ADGRL2: variants seen among roughly 807,000 people sequenced by gnomAD.
ADGRL2 encodes adhesion G protein-coupled receptor L2.
A neutral mutation model predicts 157.4 loss-of-function variants in ADGRL2; 44 were observed. The ratio of observed to expected loss-of-function variants is 0.28; its 90% CI spans 0.22 to 0.36. The LOEUF (loss-of-function observed/expected upper bound fraction) is 0.36, where lower values mean the gene tolerates loss of function less well. Ranked by LOEUF, ADGRL2 falls within the 10% of genes least tolerant of loss-of-function variation. ADGRL2 has a pLI of 1.00. For synonymous variants in ADGRL2, 585 were observed against 624.7 expected, an observed-to-expected ratio of 0.94 and a Z score of 0.95; for missense variants, 1,510 against 1,768.9, an observed-to-expected ratio of 0.85 and a Z score of 2.63.
At chr1:81,527,300 C>A (rs1014434130) in intron 2 of ADGRL2, among the ~76,000 whole-genome samples, 1 of 152,114 alleles carries the variant, frequency 6.6e-6, no homozygotes, top group Admixed American at 6.5e-5. Flanking sequence ...GTTTAACCCC[C>A]CAAAATTCAT....
At position 81,894,091 on chromosome 1, in the gene ADGRL2, A is replaced by C. The variant is rs114756655; in HGVS notation, c.74-12926A>C. ...GCTCTTTGCTTCAGGAAGAGCTTTT[A>C]CAACTGGATGGACTTTCTGTAGTTT... On this transcript the variant is annotated intron_variant, in intron 2 of 23. Transcript: ENST00000686636. Among the ~76,000 whole-genome samples the C allele has an allele frequency of 7.3e-3, 1,111 of 152,282 alleles. 12 individuals are homozygous for C. Among genetic ancestry groups the C allele is most frequent in the African/African-American group, 0.024 (1,010 of 41,562 alleles).
intron 3 of ADGRL2, among the ~76,000 whole-genome samples, chr1:81,638,163 C>T (rs1355261890): frequency 6.6e-6 from 1 of 151,850 alleles, no homozygotes; most frequent in Non-Finnish European, 1.5e-5. Flanking sequence ...AAAAAACTCA[C>T]CAACTTTGAA....
chr1:81,347,582 G>A (rs1411108531), intron 1 of ADGRL2, among the ~76,000 whole-genome samples: 1 of 152,172 alleles, frequency 6.6e-6, no homozygotes, highest in Admixed American at 6.5e-5. Flanking sequence ...AGCAAAGTAT[G>A]GAGGATGCAG....
rs898974387 is a variant in ADGRL2 at position 81,645,254 on chromosome 1, T to C, written c.-143+64274T>C. On this transcript the variant is annotated intron_variant, in intron 3 of 24. Transcript: ENST00000370721. ...GAATAAAATAGAAGTTATCCAGCCA[T>C]GGTGGTGCGTGCCTGTAGTCCTAGC... Among the ~76,000 whole-genome samples, 13 of 151,944 alleles carry C rather than the reference T, an allele frequency of 8.6e-5. No individual in the cohort carries two copies. The East Asian group carries it at 2.5e-3, about 30-fold the overall frequency.
At chr1:81,825,473 C>A (rs2091388282) in intron 1 of ADGRL2, among the ~76,000 whole-genome samples, 1 of 151,888 alleles carries the variant, frequency 6.6e-6, no homozygotes, top group Non-Finnish European at 1.5e-5. Context: ...CTCAGCCTCC[C>A]AAGTGGCTAA....
At chr1:81,711,020 T>A (rs1052689348) in intron 1 of ADGRL2, among the ~76,000 whole-genome samples, 1 of 152,208 alleles carries the variant, frequency 6.6e-6, no homozygotes, top group African/African-American at 2.4e-5. Context: ...TGGAAAGTAT[T>A]GTTTCACTGA....
At chr1:81,311,068 G>A (rs919353207) in intron 1 of ADGRL2, among the ~76,000 whole-genome samples, 1 of 152,108 alleles carries the variant, frequency 6.6e-6, no homozygotes, top group African/African-American at 2.4e-5. Context: ...TTTTCTCACT[G>A]AGGAAGGTGT....
intron 2 of ADGRL2, among the ~76,000 whole-genome samples, chr1:81,527,109 G>C (rs909937880): frequency 6.6e-6 from 1 of 152,152 alleles, no homozygotes; most frequent in Non-Finnish European, 1.5e-5. Context: ...ATTCAATAAA[G>C]TCGAATTCAG....
At chr1:81,307,298 A>G (rs1659410067) in intron 1 of ADGRL2, among the ~76,000 whole-genome samples, 2 of 152,216 alleles carry the variant, frequency 1.3e-5, no homozygotes, top group African/African-American at 4.8e-5. Flanking sequence ...AGATTTGACA[A>G]TACACATGGT....
At chr1:81,983,221 C>T (rs1316283375) in intron 19 of ADGRL2, among the ~76,000 whole-genome samples, 1 of 151,898 alleles carries the variant, frequency 6.6e-6, no homozygotes, top group African/African-American at 2.4e-5. Context: ...TTAACAATTA[C>T]ATTTTAAATG....
intron 2 of ADGRL2, among the ~76,000 whole-genome samples, chr1:81,542,513 G>A (rs2079909545): frequency 6.6e-6 from 1 of 152,210 alleles, no homozygotes; most frequent in Non-Finnish European, 1.5e-5. Flanking sequence ...GTGAATAAAA[G>A]TGCTTTCTCA....
chr1:81,543,401 G>T (rs1557444776), intron 2 of ADGRL2, among the ~76,000 whole-genome samples: 1 of 152,208 alleles, frequency 6.6e-6, no homozygotes, highest in Non-Finnish European at 1.5e-5. Flanking sequence ...CACCAGATCT[G>T]CTGGCACTTT....
intron 1 of ADGRL2, among the ~76,000 whole-genome samples, chr1:81,707,646 ATTGTTG>A (rs35728784): frequency 4.6e-5 from 7 of 151,608 alleles, no homozygotes; most frequent in Admixed American, 1.3e-4. Flanking sequence ...AATGTATGTT[ATTGTTG>A]TTGTTGTTGT....
intron 2 of ADGRL2, among the ~76,000 whole-genome samples, chr1:81,473,864 A>G (rs1402353925): frequency 1.3e-5 from 2 of 152,198 alleles, no homozygotes; most frequent in Non-Finnish European, 2.9e-5. Context: ...GAGGAGACTG[A>G]CACCTCATAC....
At chr1:81,360,868 T>C (rs1218035197) in intron 1 of ADGRL2, among the ~76,000 whole-genome samples, 1 of 151,976 alleles carries the variant, frequency 6.6e-6, no homozygotes, top group Admixed American at 6.6e-5. Flanking sequence ...AAAAAAATAT[T>C]TTGCATGAAA....
intron 2 of ADGRL2, among the ~76,000 whole-genome samples, chr1:81,865,774 A>C (rs1557803438): frequency 6.6e-6 from 1 of 152,198 alleles, no homozygotes; most frequent in Non-Finnish European, 1.5e-5. Context: ...CAGCATTGAA[A>C]ATTTTGTTGG....
chr1:81,498,293 G>A (rs1458087411), intron 2 of ADGRL2, among the ~76,000 whole-genome samples: 3 of 152,240 alleles, frequency 2.0e-5, no homozygotes, highest in Middle Eastern at 3.4e-3. Flanking sequence ...ATATATGCAT[G>A]TGTACACATT....
At chr1:81,777,946 A>G (rs2086651371) in intron 2 of ADGRL2, among the ~76,000 whole-genome samples, 1 of 152,166 alleles carries the variant, frequency 6.6e-6, no homozygotes, top group Non-Finnish European at 1.5e-5. Flanking sequence ...TACCCCTTGA[A>G]AAGCCTTCCT....
intron 1 of ADGRL2, among the ~76,000 whole-genome samples, chr1:81,725,856 G>A (rs1473598731): frequency 1.3e-5 from 2 of 152,060 alleles, no homozygotes; most frequent in Non-Finnish European, 2.9e-5. Context: ...CATGGTGCAC[G>A]CCGGTAGTCC....
Sources: gnomAD v4.1 joint callset for allele counts (sites outside exome capture counted in the v4.1 genomes callset) on GRCh38, gnomAD v4.1.1 for gene constraint, MANE v1.5 for transcripts, NCBI Gene and HGNC (gene_info 2026-07-23, HGNC 2026-07-21) for gene names.